The following CAMTA1 variants were observed in gnomAD, a reference collection of about 807,000 sequenced individuals.
CAMTA1 encodes calmodulin binding transcription activator 1.
A neutral mutation model predicts 170.9 loss-of-function variants in CAMTA1; 27 were observed. That is an observed-to-expected ratio of 0.16 (90% confidence interval 0.12 to 0.22). The LOEUF (loss-of-function observed/expected upper bound fraction) is 0.22. Among genes scored for constraint, CAMTA1 ranks in the 10% least tolerant of loss-of-function variants. The pLI, the probability that CAMTA1 is intolerant of heterozygous loss-of-function variation, is 1.00. For synonymous variants in CAMTA1, 833 were observed against 891.5 expected (o/e 0.93, Z 1.17); for missense variants, 1,619 against 2,217.2 (o/e 0.73, Z 5.42).
rs540296084 is a variant in CAMTA1 at position 7,580,269 on chromosome 1, G to A, written c.511-60131G>A. 2.6e-5 allele frequency among the ~76,000 whole-genome samples: 4 copies of A among 152,322 alleles called. No homozygotes were observed. The South Asian group carries it at 6.2e-4, about 24-fold the overall frequency. ...GCTGTGGAGGCTGAGGCTCCTGGGG[G>A]GTTGTCCACATCTGGACCGTGGGAG... On this transcript the variant is annotated intron_variant, in intron 6 of 22. Coordinates refer to ENST00000303635, the MANE Select transcript of CAMTA1 (RefSeq NM_015215.4). The surrounding 1 kb of genome is among the most constrained non-coding windows in gnomAD (Gnocchi z 4.3).
intron 6 of CAMTA1, among the ~76,000 whole-genome samples, chr1:7,506,307 T>G (rs1463168297): frequency 6.6e-6 from 1 of 152,066 alleles, no homozygotes; most frequent in Non-Finnish European, 1.5e-5. Flanking sequence ...AGGAGGGAAG[T>G]GAGCCCAGCC....
Position 7,382,930 on chromosome 1 carries a change from G to A in CAMTA1, c.439-84900G>A, listed in dbSNP as rs141749945. Among the ~76,000 whole-genome samples the A allele has an allele frequency of 2.1e-3, 314 of 152,200 alleles. 2 individuals are homozygous for A. The Middle Eastern group carries it at 0.044, about 21-fold the overall frequency. On this transcript the variant is annotated intron_variant, in intron 5 of 22. Transcript: ENST00000303635. ...AATTTTGAGAAAATGCTTTCCTTTT[G>A]CCAATGAGTTCATTTATTTATACAA... is the stretch of plus-strand genomic sequence containing the variant.
At chr1:7,231,814 A>G (rs949826246) in intron 4 of CAMTA1, among the ~76,000 whole-genome samples, 2 of 152,158 alleles carry the variant, frequency 1.3e-5, no homozygotes, top group African/African-American at 4.8e-5. Flanking sequence ...CTTCTGTCAA[A>G]TGGGGATCTA....
At chr1:7,003,333 G>A (rs527578197) in intron 3 of CAMTA1, among the ~76,000 whole-genome samples, 13 of 152,358 alleles carry the variant, frequency 8.5e-5, no homozygotes, top group Admixed American at 7.2e-4. Context: ...TATCTGAATT[G>A]CATTTTGCAG....
intron 1 of CAMTA1, among the ~76,000 whole-genome samples, chr1:6,786,262 G>T (rs565356967): frequency 6.6e-6 from 1 of 151,988 alleles, no homozygotes; most frequent in African/African-American, 2.4e-5. Context: ...TTCGCTTCCC[G>T]GGAAGGGAAG....
At chr1:7,348,447 C>T (rs1193239989) in intron 5 of CAMTA1, among the ~76,000 whole-genome samples, 2 of 152,192 alleles carry the variant, frequency 1.3e-5, no homozygotes, top group East Asian at 3.9e-4. Flanking sequence ...TCGTGGGGCC[C>T]ACTCGTGGTC....
At chr1:7,383,659 ATCATGGTCATGGTGGTGG>A (rs111823337) in intron 5 of CAMTA1, among the ~76,000 whole-genome samples, 7 of 152,082 alleles carry the variant, frequency 4.6e-5, no homozygotes, top group African/African-American at 1.4e-4. Context: ...GATGGTGGTG[ATCATGGTCATGGTGGTGG>A]TGCTGCTGCT....
intron 11 of CAMTA1, among the ~76,000 whole-genome samples, chr1:7,731,798 G>A (rs1444932708): frequency 6.6e-6 from 1 of 151,950 alleles, no homozygotes; most frequent in Non-Finnish European, 1.5e-5. Flanking sequence ...GATGGCTTGA[G>A]CCTGGGAAGT....
chr1:7,704,163 G>A (rs2096476698), intron 11 of CAMTA1, among the ~76,000 whole-genome samples: 2 of 149,940 alleles, frequency 1.3e-5, no homozygotes, highest in Admixed American at 1.3e-4. Flanking sequence ...TGCAGACGCC[G>A]CCGCCGCAGG....
chr1:7,001,739 C>G (rs1336075274), intron 3 of CAMTA1, among the ~76,000 whole-genome samples: 1 of 152,230 alleles, frequency 6.6e-6, no homozygotes, highest in African/African-American at 2.4e-5. Context: ...GACAACTAAA[C>G]ACTGCATCAC....
chr1:7,760,944 C>T (rs1416558479), intron 22 of CAMTA1, among the ~76,000 whole-genome samples: 1 of 152,178 alleles, frequency 6.6e-6, no homozygotes, highest in Non-Finnish European at 1.5e-5. Context: ...CCCATGGAGC[C>T]ATTGTTTGCT....
In CAMTA1 at chr1:7,640,402, C is replaced by A; in HGVS notation, c.513C>A (p.Asn171Lys). ...FHRRCYWLLQ[N>K]PDIVLVHYLN... ...GCCAGTCTCTGCTCTCCCCACAGAA[C>A]CCCGACATCGTCCTGGTGCACTACC... is the stretch of plus-strand genomic sequence containing the variant. Residue 171 changes from asparagine (N) to lysine (K), a missense_variant and splice_region_variant, in exon 7 of 23, where the codon AAC becomes AAA. Physicochemically the swap from Asn to Lys is moderately conservative, Grantham distance 94. This residue lies in a region of CAMTA1 where 97 missense variants were observed against 225.4 expected (regional missense o/e 0.43). Transcript: ENST00000303635. 6.2e-7 allele frequency: 1 copy of A among 1,614,004 alleles called. No homozygotes were observed. The highest frequency in any genetic ancestry group is 8.5e-7 in the Non-Finnish European group (1 of 1,179,990).
At chr1:7,629,594 C>T (rs1394990515) in intron 6 of CAMTA1, among the ~76,000 whole-genome samples, 1 of 152,230 alleles carries the variant, frequency 6.6e-6, no homozygotes, top group African/African-American at 2.4e-5. Context: ...CACCTCTTCT[C>T]CCCTTTCTGA....
intron 3 of CAMTA1, among the ~76,000 whole-genome samples, chr1:6,943,143 A>C (rs925330918): frequency 4.0e-4 from 61 of 151,760 alleles, no homozygotes; most frequent in African/African-American, 1.5e-3. Context: ...CCCCATTAGC[A>C]GCGGTTAACA....
At chr1:7,117,506 C>T (rs570540501) in intron 4 of CAMTA1, among the ~76,000 whole-genome samples, 1 of 152,156 alleles carries the variant, frequency 6.6e-6, no homozygotes, top group South Asian at 2.1e-4. Flanking sequence ...CTAGCACTTA[C>T]CAGTTTCCAT....
At chr1:7,165,931 T>C (rs1283650359) in intron 4 of CAMTA1, among the ~76,000 whole-genome samples, 1 of 152,226 alleles carries the variant, frequency 6.6e-6, no homozygotes, top group African/African-American at 2.4e-5. Context: ...ATAGGTATTA[T>C]GTATCTTACA....
rs1305705345 is a variant in CAMTA1 at position 7,195,172 on chromosome 1, A to G, written c.303-54319A>G. On this transcript the variant is annotated intron_variant, in intron 4 of 22. Transcript: ENST00000303635. The surrounding 1 kb of genome is among the most constrained non-coding windows in gnomAD (Gnocchi z 4.1). ...AGGTTTTCTGTCGTCCAGCACGTGCAAGAGAAGGGCTGGGCAGCTTGATGG... is the reference window on the plus strand; with the variant it reads ...AGGTTTTCTGTCGTCCAGCACGTGCGAGAGAAGGGCTGGGCAGCTTGATGG... Among the ~76,000 whole-genome samples the G allele has an allele frequency of 6.6e-6, 1 of 152,212 alleles. No homozygotes were observed. Among genetic ancestry groups the G allele is most frequent in the Non-Finnish European group, 1.5e-5 (1 of 68,038 alleles).
In CAMTA1 at chr1:7,093,906, T is replaced by C. The variant is rs776643990; in HGVS notation, c.302+2535T>C. On this transcript the variant is annotated intron_variant, in intron 4 of 22. Transcript: ENST00000303635. This position sits in a 1 kb window ranked among gnomAD's most constrained non-coding sequence, Gnocchi z 4.6. ...TTCATATAGAAAATGGAGTTGCTGT[T>C]GATCCCACCCTTGCTGGGTCACGAT... is the stretch of plus-strand genomic sequence containing the variant. Among the ~76,000 whole-genome samples the C allele has an allele frequency of 2.0e-5, 3 of 152,212 alleles. No individual in the cohort carries two copies. The highest frequency in any genetic ancestry group is 2.9e-5 in the Non-Finnish European group (2 of 68,040).
intron 3 of CAMTA1, among the ~76,000 whole-genome samples, chr1:6,868,065 A>G (rs1021459646): frequency 1.3e-5 from 2 of 151,994 alleles, no homozygotes; most frequent in African/African-American, 2.4e-5. Context: ...TTTGCTTTCC[A>G]AAGTGGTGGG....
Sources: gnomAD v4.1 joint callset for allele counts (sites outside exome capture counted in the v4.1 genomes callset) on GRCh38, gnomAD v4.1.1 for gene constraint, gnomAD v4.1.1 regional missense constraint, Gnocchi (gnomAD v3.1) non-coding constraint, MANE v1.5 for transcripts, NCBI Gene and HGNC (gene_info 2026-07-23, HGNC 2026-07-21) for gene names.